STEAP3: variants seen among roughly 807,000 people sequenced by gnomAD.
STEAP3 encodes the protein STEAP3 metalloreductase, also known as metalloreductase STEAP3.
Under a neutral mutation model 34.9 loss-of-function variants are expected in STEAP3, and 35 were observed. The observed-to-expected ratio is 1.00, with a 90% CI of 0.76 to 1.33. The LOEUF is 1.33. Among genes scored for constraint, STEAP3 ranks in the 40% most tolerant of loss-of-function variants. The probability of loss-of-function intolerance (pLI) is 0.00; values close to 1 mark genes in which losing one functional copy is unlikely to be tolerated. For synonymous variants in STEAP3, 281 were observed against 301.6 expected, an observed-to-expected ratio of 0.93 and a Z score of 0.71; for missense variants, 652 against 667.6, an observed-to-expected ratio of 0.98 and a Z score of 0.26.
At chr2:119,248,299 C>T (rs1308270161) in intron 4 of STEAP3, 93 bp downstream of exon 4, 20 of 1,403,554 alleles carry the variant, frequency 1.4e-5, no homozygotes, top group South Asian at 5.6e-5. Flanking sequence ...CCGATACCCA[C>T]GGGTGCAGCC....
chr2:119,246,217 C>G (rs1193598941), intron 3 of STEAP3: 1 of 590,054 alleles, frequency 1.7e-6, no homozygotes, highest in Non-Finnish European at 2.9e-6. Context: ...GATCTGAAAC[C>G]CATGTTCTTT....
chr2:119,256,579 C>A (rs531659431), intron 5 of STEAP3, among the ~76,000 whole-genome samples: 1 of 152,300 alleles, frequency 6.6e-6, no homozygotes, highest in African/African-American at 2.4e-5. Context: ...CTGACTGAGA[C>A]CCTAGCAGCT....
At chr2:119,237,183 G>A (rs1050422463) in intron 2 of STEAP3, among the ~76,000 whole-genome samples, 3 of 152,188 alleles carry the variant, frequency 2.0e-5, no homozygotes, top group Admixed American at 1.3e-4. Context: ...ATTTATTCAG[G>A]ATCAGTCACC....
Position 119,224,130 on chromosome 2 carries a change from T to C in STEAP3, c.-394+242T>C, listed in dbSNP as rs539638923. ...TGGAAGCCGCTTGCGCCGCGCAGGT[T>C]AGGCAGGGCCGGCGGCGACAGTGGC... On this transcript the variant is annotated intron_variant, in intron 1 of 5. Transcript: ENST00000393110. Among the ~76,000 whole-genome samples the C allele has an allele frequency of 5.1e-4, 77 of 152,230 alleles. No homozygotes were observed. The Middle Eastern group carries it at 0.01, about 20-fold the overall frequency.
intron 1 of STEAP3, among the ~76,000 whole-genome samples, chr2:119,226,065 C>T (rs574709562): frequency 2.6e-5 from 4 of 152,368 alleles, no homozygotes; most frequent in South Asian, 4.1e-4. Flanking sequence ...CTCCAGGTTC[C>T]GTGCTCTGTG....
At chr2:119,241,902 G>A (rs1302205752) in intron 2 of STEAP3, among the ~76,000 whole-genome samples, 1 of 152,214 alleles carries the variant, frequency 6.6e-6, no homozygotes, top group African/African-American at 2.4e-5. Flanking sequence ...AATCATTCGA[G>A]GTTTTTCAGG....
chr2:119,227,975 GT>G (rs1679094954), intron 1 of STEAP3, among the ~76,000 whole-genome samples: 1 of 152,098 alleles, frequency 6.6e-6, no homozygotes, highest in Admixed American at 6.5e-5. Flanking sequence ...GATTACAGGT[GT>G]GCTCCACCAC....
At chr2:119,257,681 C>A in intron 5 of STEAP3, 1 of 1,416,012 alleles carries the variant, frequency 7.1e-7, no homozygotes, top group South Asian at 1.6e-5. Flanking sequence ...GGCATGCTGG[C>A]TTTTGAGGTA....
At position 119,248,047 on chromosome 2, in the gene STEAP3, G is replaced by A. The variant is rs1197437913; in HGVS notation, c.891G>A (p.Lys297=). ...AAALQLRRGT[K]YQRFPDWLDH... The stretch of plus-strand genomic sequence containing the variant: ...CCCTGCAGCTGCGGCGCGGCACCAA[G>A]TACCAGCGCTTCCCCGACTGGCTGG... The change falls in exon 4 of 6, where the codon AAG becomes AAA. Residue 297 remains lysine, a synonymous_variant. Coordinates refer to ENST00000393110, the MANE Select transcript of STEAP3 (RefSeq NM_182915.3). The A allele has an allele frequency of 2.5e-6, 4 of 1,609,040 alleles. No homozygotes were observed. The highest frequency in any genetic ancestry group is 3.4e-6 in the Non-Finnish European group (4 of 1,179,908).
chr2:119,237,259 A>T (rs1260547727), intron 2 of STEAP3, among the ~76,000 whole-genome samples: 1 of 152,200 alleles, frequency 6.6e-6, no homozygotes. Flanking sequence ...CCACCTGACC[A>T]CTTGCTAGCT....
At chr2:119,258,972 A>T (rs1677864391) in intron 5 of STEAP3, among the ~76,000 whole-genome samples, 1 of 119,510 alleles carries the variant, frequency 8.4e-6, no homozygotes, top group Admixed American at 9.4e-5. Flanking sequence ...GGTTGTGCTA[A>T]GTGTTTCAAT....
In STEAP3 at chr2:119,230,792, A is replaced by T. The variant is rs1676903616; in HGVS notation, c.-221A>T. 7 of 623,194 alleles carry T rather than the reference A, an allele frequency of 1.1e-5. No homozygotes were observed. The East Asian group carries it at 1.9e-4, about 17-fold the overall frequency. The allele number at this position is 623,194 out of a possible 1,614,324, so 38.6% of individuals were successfully genotyped here. A position where few individuals can be genotyped will look rare whatever the true frequency, so the allele number is the denominator to read the frequency against. On this transcript the variant is annotated 5_prime_UTR_variant, in exon 2 of 6. Transcript: ENST00000393110. ...TCAGTGCACTCTCCAACCAAGCATC[A>T]GTCACCACTCCCGGTCCAGCCCCTG...
At chr2:119,259,118 C>T (rs1677869934) in intron 5 of STEAP3, among the ~76,000 whole-genome samples, 1 of 152,148 alleles carries the variant, frequency 6.6e-6, no homozygotes, top group African/African-American at 2.4e-5. Flanking sequence ...TGCCTGTGAC[C>T]TTGCCCACTC....
chr2:119,246,818 C>CT (rs1677442491), intron 3 of STEAP3: 1 of 152,264 alleles, frequency 6.6e-6, no homozygotes, highest in Non-Finnish European at 1.5e-5. Context: ...GGGCTTTGAC[C>CT]TGGGCCCACC....
At chr2:119,231,166 G>A (rs1254983229) in intron 2 of STEAP3, 132 bp downstream of exon 2, 30 of 1,171,530 alleles carry the variant, frequency 2.6e-5, no homozygotes, top group Admixed American at 1.4e-4. Flanking sequence ...CGAGGAACTC[G>A]ACACCTCCCA....
At chr2:119,242,666 G>C (rs1677283249) in intron 2 of STEAP3, among the ~76,000 whole-genome samples, 1 of 152,222 alleles carries the variant, frequency 6.6e-6, no homozygotes, top group Non-Finnish European at 1.5e-5. Flanking sequence ...GGGTGCTTAT[G>C]ATGTGCTCAG....
intron 5 of STEAP3, among the ~76,000 whole-genome samples, chr2:119,262,317 C>T (rs1443679654): frequency 1.3e-5 from 2 of 151,466 alleles, no homozygotes; most frequent in East Asian, 1.9e-4. Flanking sequence ...AAAATACACA[C>T]ATAACTAGTA....
chr2:119,254,883 C>A, intron 5 of STEAP3, 35 bp downstream of exon 5: 3 of 1,603,428 alleles, frequency 1.9e-6, no homozygotes, highest in Non-Finnish European at 2.6e-6. Flanking sequence ...CCAGCTTCAG[C>A]GTGGCCCTGG....
intron 5 of STEAP3, among the ~76,000 whole-genome samples, 191 bp from the exon 6 acceptor site, chr2:119,262,866 C>A (rs1345541299): frequency 6.6e-6 from 1 of 152,192 alleles, no homozygotes; most frequent in Non-Finnish European, 1.5e-5. Flanking sequence ...GTTGTGGAAG[C>A]TGAGGCACAG....
Sources: allele counts gnomAD v4.1 joint callset (sites outside exome capture counted in the v4.1 genomes callset), GRCh38; gene constraint gnomAD v4.1.1; transcripts MANE v1.5; gene names NCBI Gene and HGNC (gene_info 2026-07-23, HGNC 2026-07-21).